Variants in TNNI3K observed in about 807,000 individuals in gnomAD.
TNNI3K encodes the protein serine/threonine-protein kinase TNNI3K.
A neutral mutation model predicts 114.5 loss-of-function variants in TNNI3K; 140 were observed. The ratio of observed to expected loss-of-function variants is 1.22; its 90% CI spans 1.07 to 1.41. The LOEUF (loss-of-function observed/expected upper bound fraction) is 1.41, where lower values mean the gene tolerates loss of function less well. Ranked by LOEUF, TNNI3K falls within the 40% of genes most tolerant of loss-of-function variation. The pLI is 0.00. For missense variants in TNNI3K, 1,125 were observed against 1,007.6 expected, an observed-to-expected ratio of 1.12 and a Z score of -1.58; for synonymous variants, 347 against 347.5, an observed-to-expected ratio of 1.00 and a Z score of 0.02.
At chr1:74,343,358 A>T (rs1198506080) in intron 9 of TNNI3K, among the ~76,000 whole-genome samples, 179 bp downstream of exon 9, 1 of 152,198 alleles carries the variant, frequency 6.6e-6, no homozygotes, top group Non-Finnish European at 1.5e-5. Flanking sequence ...GTGGAGGCAG[A>T]TGCTGCAGTC....
chr1:74,272,662 G>A (rs911799436), intron 5 of TNNI3K, among the ~76,000 whole-genome samples: 2 of 151,888 alleles, frequency 1.3e-5, no homozygotes, highest in South Asian at 2.1e-4. Flanking sequence ...GTGTTTTAAA[G>A]GTCATAGGAA....
intron 23 of TNNI3K, among the ~76,000 whole-genome samples, chr1:74,503,446 C>T (rs2100349837): frequency 6.6e-6 from 1 of 152,314 alleles, no homozygotes; most frequent in Admixed American, 6.5e-5. Flanking sequence ...ATCTAACCCT[C>T]ACTTCAGCAG....
intron 17 of TNNI3K, chr1:74,416,615 A>G (rs1381535021): frequency 5.4e-6 from 5 of 934,144 alleles, no homozygotes; most frequent in Non-Finnish European, 6.4e-6. Context: ...TTCCTCTTCT[A>G]TTCATTATTT....
intron 17 of TNNI3K, among the ~76,000 whole-genome samples, chr1:74,384,516 A>G (rs914536353): frequency 6.6e-6 from 1 of 152,142 alleles, no homozygotes; most frequent in Non-Finnish European, 1.5e-5. Context: ...AATTTGAACC[A>G]ATACTTGCTT....
At chr1:74,240,422 A>C (rs1285420566) in intron 2 of TNNI3K, 2 of 152,394 alleles carry the variant, frequency 1.3e-5, no homozygotes, top group Non-Finnish European at 2.9e-5. Context: ...TTGCCATGTT[A>C]TACCTGGAGA....
At position 74,370,364 on chromosome 1, in the gene TNNI3K, C is replaced by T. The variant is rs529843206; in HGVS notation, c.1744C>T (p.Gln582Ter). 2.5e-6 allele frequency: 4 copies of T among 1,607,276 alleles called. No homozygotes were observed. Among genetic ancestry groups the T allele is most frequent in the Admixed American group, 1.7e-5 (1 of 59,360 alleles). ...KGMEYLHNLT[Q>*]PIIHRDLNSH... ...CATGGAGTACCTTCACAACCTGACACAGCCAATTATACATCGTGACTTGAA... is the reference window on the plus strand; with the variant it reads ...CATGGAGTACCTTCACAACCTGACATAGCCAATTATACATCGTGACTTGAA... The change falls in exon 17 of 25, where the codon CAG becomes TAG. Residue 582 changes from glutamine to a stop codon, truncating the protein, a stop_gained. Coordinates refer to ENST00000326637, the MANE Select transcript of TNNI3K (RefSeq NM_015978.3). LOFTEE classifies it high-confidence loss of function.
intron 23 of TNNI3K, among the ~76,000 whole-genome samples, chr1:74,495,493 G>C (rs761667535): frequency 2.6e-5 from 4 of 152,150 alleles, no homozygotes; most frequent in Non-Finnish European, 5.9e-5. Flanking sequence ...TTTTCACTTG[G>C]TGTGTAATCA....
intron 17 of TNNI3K, among the ~76,000 whole-genome samples, chr1:74,404,688 G>A (rs1200678934): frequency 6.6e-6 from 1 of 152,202 alleles, no homozygotes; most frequent in Non-Finnish European, 1.5e-5. Context: ...GGCCTATGCT[G>A]ATCTCCCAGA....
chr1:74,521,516 G>GTATATA (rs45531434), intron 23 of TNNI3K, among the ~76,000 whole-genome samples: 1 of 150,528 alleles, frequency 6.6e-6, no homozygotes, highest in African/African-American at 2.4e-5. Context: ...GTGTGTATGT[G>GTATATA]TATATATATA....
intron 11 of TNNI3K, among the ~76,000 whole-genome samples, chr1:74,357,776 C>T (rs1557518500): frequency 6.6e-6 from 1 of 152,080 alleles, no homozygotes; most frequent in Non-Finnish European, 1.5e-5. Flanking sequence ...CCCTCCCCAT[C>T]TCTCCCCTTC....
At chr1:74,469,902 A>C in intron 21 of TNNI3K, 1 of 400,624 alleles carries the variant, frequency 2.5e-6, no homozygotes, top group Non-Finnish European at 4.4e-6. Flanking sequence ...AAGGTGATGT[A>C]GTAGCATATT....
chr1:74,323,745 C>A (rs1229244610), intron 5 of TNNI3K, among the ~76,000 whole-genome samples: 1 of 152,102 alleles, frequency 6.6e-6, no homozygotes, highest in Non-Finnish European at 1.5e-5. Flanking sequence ...CTATAGCTAT[C>A]ACTTCTGGAA....
chr1:74,344,999 G>A (rs907488045), intron 9 of TNNI3K, among the ~76,000 whole-genome samples: 23 of 151,912 alleles, frequency 1.5e-4, no homozygotes, highest in Middle Eastern at 3.4e-3. Flanking sequence ...AAATATATAT[G>A]TATATATATG....
At chr1:74,377,411 A>G (rs1214707589) in intron 17 of TNNI3K, among the ~76,000 whole-genome samples, 1 of 152,050 alleles carries the variant, frequency 6.6e-6, no homozygotes, top group Non-Finnish European at 1.5e-5. Flanking sequence ...AGGCTCCTCC[A>G]GAGAAAATAA....
At chr1:74,321,562 A>T (rs750136979) in intron 5 of TNNI3K, among the ~76,000 whole-genome samples, 3 of 151,764 alleles carry the variant, frequency 2.0e-5, no homozygotes, top group Non-Finnish European at 4.4e-5. Flanking sequence ...TTGTATTCTC[A>T]TCACTTCCTG....
At chr1:74,380,308 A>G (rs1308712088) in intron 17 of TNNI3K, among the ~76,000 whole-genome samples, 1 of 152,194 alleles carries the variant, frequency 6.6e-6, no homozygotes, top group Non-Finnish European at 1.5e-5. Context: ...TTTATTTGCT[A>G]TAAAAATAGT....
intron 5 of TNNI3K, among the ~76,000 whole-genome samples, chr1:74,326,532 C>T (rs1433194444): frequency 6.6e-6 from 1 of 152,054 alleles, no homozygotes; most frequent in African/African-American, 2.4e-5. Context: ...ATTTCAGGGC[C>T]TCAGGTGAAA....
chr1:74,368,916 GTTA>G, intron 13 of TNNI3K, 103 bp from the exon 14 acceptor site: 3 of 974,530 alleles, frequency 3.1e-6, no homozygotes, highest in Non-Finnish European at 2.9e-6. Flanking sequence ...AAAATTAAAT[GTTA>G]TTAGGAAATT....
chr1:74,474,107 G>T (rs1273856173), intron 21 of TNNI3K, among the ~76,000 whole-genome samples: 2 of 152,102 alleles, frequency 1.3e-5, no homozygotes, highest in Non-Finnish European at 2.9e-5. Context: ...AGTGTTCTCA[G>T]TGTGAAAACA....
Sources: gnomAD v4.1 joint callset for allele counts (sites outside exome capture counted in the v4.1 genomes callset) on GRCh38, gnomAD v4.1.1 for gene constraint, MANE v1.5 for transcripts, NCBI Gene and HGNC (gene_info 2026-07-23, HGNC 2026-07-21) for gene names.